The following ATXN7L1 variants were observed in gnomAD, a reference collection of about 807,000 sequenced individuals.
The protein encoded by ATXN7L1 is ataxin-7-like protein 1.
A neutral mutation model predicts 70.8 loss-of-function variants in ATXN7L1; 15 were observed. The ratio of observed to expected loss-of-function variants is 0.21; its 90% confidence interval spans 0.14 to 0.33. ATXN7L1 has a LOEUF of 0.33. Among genes scored for constraint, ATXN7L1 ranks in the 10% least tolerant of loss-of-function variants. The probability of loss-of-function intolerance (pLI) is 1.00; values close to 1 mark genes in which losing one functional copy is unlikely to be tolerated. For missense variants in ATXN7L1, 975 were observed against 1,097.1 expected (o/e 0.89, Z 1.57); for synonymous variants, 440 against 445.1 (o/e 0.99, Z 0.14).
At chr7:105,661,584 T>C (rs1801619408) in intron 4 of ATXN7L1, among the ~76,000 whole-genome samples, 2 of 152,194 alleles carry the variant, frequency 1.3e-5, no homozygotes, top group Admixed American at 1.3e-4. Context: ...AGACTTGAAT[T>C]TGATTTTCTT....
At chr7:105,629,183 T>C (rs1256753300) in intron 7 of ATXN7L1, among the ~76,000 whole-genome samples, 1 of 152,098 alleles carries the variant, frequency 6.6e-6, no homozygotes, top group African/African-American at 2.4e-5. Context: ...CATAATACAG[T>C]ATTATTAACT....
intron 3 of ATXN7L1, among the ~76,000 whole-genome samples, chr7:105,667,487 CA>C (rs1802807190): frequency 1.0e-5 from 1 of 98,738 alleles, no homozygotes; most frequent in Admixed American, 1.2e-4. Flanking sequence ...ATCACGAGGT[CA>C]GGAGATCGAG....
In ATXN7L1 at chr7:105,740,784, T is replaced by TTTTTTTTTTTTTTTTTTTTTTTTTTTG. The variant is rs556048408; in HGVS notation, c.355+47819_355+47820insCAAAAAAAAAAAAAAAAAAAAAAAAAA. Among the ~76,000 whole-genome samples the TTTTTTTTTTTTTTTTTTTTTTTTTTTG allele has an allele frequency of 1.6e-3, 126 of 77,874 alleles. 36 individuals carry two copies. Among genetic ancestry groups the TTTTTTTTTTTTTTTTTTTTTTTTTTTG allele is most frequent in the African/African-American group, 3.4e-3 (56 of 16,342 alleles). 51.1% of individuals were successfully genotyped at this position (77,874 alleles called of 152,430 possible). A position where few individuals can be genotyped will look rare whatever the true frequency, so the allele number is the denominator to read the frequency against. On this transcript the variant is annotated intron_variant, in intron 3 of 11. Transcript: ENST00000419735. ...GGCTCCATTCATTTTTTTTTTTTTTTAATGGAGTCTCACTCTGTCGCCCAG... is the reference window on the plus strand; with the variant it reads ...GGCTCCATTCATTTTTTTTTTTTTTTTTTTTTTTTTTTTTTTTTTTTTTTTTGAATGGAGTCTCACTCTGTCGCCCAG...
At chr7:105,720,609 A>T (rs1350320667) in intron 3 of ATXN7L1, among the ~76,000 whole-genome samples, 1 of 151,942 alleles carries the variant, frequency 6.6e-6, no homozygotes, top group African/African-American at 2.4e-5. Context: ...TATTGTAGAG[A>T]TGAGATCTCA....
chr7:105,711,056 C>T lies in ATXN7L1; in HGVS notation c.356-45768G>A, dbSNP rs528996553. On this transcript the variant is annotated intron_variant, in intron 3 of 11. Coordinates refer to ENST00000419735, the MANE Select transcript of ATXN7L1 (RefSeq NM_020725.2). ...ATCACGAGAACAGCATGGGGGAAAC[C>T]GCCCCCATGATTGAATTATCTCCAA... 2.6e-4 allele frequency among the ~76,000 whole-genome samples: 40 copies of T among 152,224 alleles called. No individual in the cohort carries two copies. The South Asian group carries it at 6.2e-3, about 24-fold the overall frequency.
At chr7:105,776,460 CT>C (rs1029513249) in intron 3 of ATXN7L1, among the ~76,000 whole-genome samples, 87 of 145,990 alleles carry the variant, frequency 6.0e-4, no homozygotes, top group African/African-American at 1.8e-3. Flanking sequence ...TTCCAAGATT[CT>C]TTTTTTTTTA....
rs1188537874 is a variant in ATXN7L1 at position 105,868,506 on chromosome 7, G to A, written c.250+7306C>T. ...TGCAGGCACCAAAAGAGAACATGGC[G>A]ACTTCTCATGAACTGACATGGACAG... On this transcript the variant is annotated intron_variant, in intron 2 of 11. Coordinates refer to ENST00000419735, the MANE Select transcript of ATXN7L1 (RefSeq NM_020725.2). 4.6e-5 allele frequency among the ~76,000 whole-genome samples: 7 copies of A among 152,174 alleles called. No homozygotes were observed. In the South Asian group the frequency reaches 6.2e-4, roughly 14 times the overall value.
chr7:105,755,405 A>G (rs1282968739), intron 3 of ATXN7L1, among the ~76,000 whole-genome samples: 10 of 152,172 alleles, frequency 6.6e-5, no homozygotes, highest in Admixed American at 6.5e-4. Flanking sequence ...TACTCAAGGT[A>G]AGGAGGGGAA....
At chr7:105,738,959 G>T (rs1797710709) in intron 3 of ATXN7L1, among the ~76,000 whole-genome samples, 1 of 152,224 alleles carries the variant, frequency 6.6e-6, no homozygotes, top group African/African-American at 2.4e-5. Context: ...GGGAGGGCAA[G>T]GGGGAAAAAT....
intron 3 of ATXN7L1, among the ~76,000 whole-genome samples, chr7:105,681,155 G>A (rs183598549): frequency 1.9e-4 from 29 of 152,306 alleles, no homozygotes; most frequent in Admixed American, 9.8e-4. Context: ...GGCTGGGCAC[G>A]GTTGCTCACG....
At chr7:105,852,977 C>G (rs1181702405) in intron 2 of ATXN7L1, among the ~76,000 whole-genome samples, 1 of 152,056 alleles carries the variant, frequency 6.6e-6, no homozygotes, top group Non-Finnish European at 1.5e-5. Context: ...CATGAATCCC[C>G]TTATATGAGG....
intron 7 of ATXN7L1, among the ~76,000 whole-genome samples, chr7:105,631,711 C>A (rs547738147): frequency 6.6e-6 from 1 of 152,360 alleles, no homozygotes; most frequent in East Asian, 1.9e-4. Context: ...AAGTGATCTG[C>A]CTCCCTGGGC....
intron 2 of ATXN7L1, chr7:105,875,194 A>G (rs773866220): frequency 6.5e-6 from 1 of 153,056 alleles, no homozygotes; most frequent in Non-Finnish European, 1.5e-5. Flanking sequence ...GGGATGACCT[A>G]TCTACTCAGT....
chr7:105,727,752 A>ATT (rs1796020551), intron 3 of ATXN7L1, among the ~76,000 whole-genome samples: 1 of 83,084 alleles, frequency 1.2e-5, no homozygotes, highest in Admixed American at 1.4e-4. Context: ...GTGTGTATAT[A>ATT]TATATATATA....
intron 3 of ATXN7L1, among the ~76,000 whole-genome samples, chr7:105,714,961 A>G (rs555814874): frequency 6.6e-6 from 1 of 152,228 alleles, no homozygotes; most frequent in East Asian, 1.9e-4. Flanking sequence ...AGTAAATTGC[A>G]TGGATCCTAA....
chr7:105,710,889 CTTACAG>C (rs1169187405), intron 3 of ATXN7L1, among the ~76,000 whole-genome samples: 6 of 152,100 alleles, frequency 3.9e-5, no homozygotes, highest in African/African-American at 1.4e-4. Flanking sequence ...GTTTAATGGT[CTTACAG>C]TTCCACATGG....
intron 5 of ATXN7L1, among the ~76,000 whole-genome samples, chr7:105,641,214 C>CTCTTTTTTTTTTTTTTTTTTTTTTT (rs1316374331): frequency 1.8e-4 from 4 of 21,786 alleles, no homozygotes; most frequent in Non-Finnish European, 2.6e-4. Context: ...CTCTCTCTCT[C>CTCTTTTTTTTTTTTTTTTTTTTTTT]TTTTTTTTTT....
In ATXN7L1 at chr7:105,665,193, A is replaced by G; in HGVS notation, c.451T>C (p.Cys151Arg). ...TSLVQVKTKA[C>R]LSGHHSASST... is the part of the protein sequence containing the mutation. ...CTGGCAGAGTGATGGCCGCTGAGAC[A>G]GGCTTTTGTTTTCACCTGTACTAGT... Residue 151 changes from cysteine to arginine, a missense_variant, in exon 4 of 12, where the codon TGT becomes CGT. Cys to Arg is a radical substitution (Grantham distance 180). Transcript: ENST00000419735. 1.3e-6 allele frequency: 2 copies of G among 1,551,706 alleles called. No homozygotes were observed. Among genetic ancestry groups the G allele is most frequent in the Non-Finnish European group, 1.7e-6 (2 of 1,146,992 alleles).
intron 3 of ATXN7L1, among the ~76,000 whole-genome samples, chr7:105,708,610 T>A: frequency 6.6e-6 from 1 of 152,254 alleles, no homozygotes. Flanking sequence ...TTGGCTTTTA[T>A]CTCTATTCAC....
Sources: gnomAD v4.1 joint callset for allele counts (sites outside exome capture counted in the v4.1 genomes callset) on GRCh38, gnomAD v4.1.1 for gene constraint, MANE v1.5 for transcripts, NCBI Gene and HGNC (gene_info 2026-07-23, HGNC 2026-07-21) for gene names.